NEK6: variants seen among roughly 807,000 people sequenced by gnomAD.
NEK6 encodes the protein serine/threonine-protein kinase Nek6.
In NEK6, 27 loss-of-function variants were observed where a neutral mutation model predicts 43.5. The ratio of observed to expected loss-of-function variants is 0.62; its 90% CI spans 0.46 to 0.86. The LOEUF (loss-of-function observed/expected upper bound fraction) is 0.86, where lower values mean the gene tolerates loss of function less well. NEK6 is among the 40% of genes least tolerant of loss of function. The pLI is 0.00. For missense variants in NEK6, 318 were observed against 414.4 expected (o/e 0.77, Z 2.02); for synonymous variants, 167 against 164.1 (o/e 1.02, Z -0.14).
chr9:124,285,812 C>G (rs1048413437), intron 1 of NEK6, among the ~76,000 whole-genome samples: 9 of 152,160 alleles, frequency 5.9e-5, no homozygotes, highest in African/African-American at 2.2e-4. Context: ...TTTCCCACCT[C>G]TATTGGGCAG....
intron 4 of NEK6, among the ~76,000 whole-genome samples, chr9:124,316,258 C>T (rs1171491394): frequency 5.3e-5 from 8 of 152,204 alleles, no homozygotes; most frequent in Admixed American, 1.3e-4. Flanking sequence ...AGCTGCCAAG[C>T]GTGGGACAAG....
chr9:124,276,561 G>A (rs2118954493), intron 1 of NEK6, among the ~76,000 whole-genome samples: 1 of 152,358 alleles, frequency 6.6e-6, no homozygotes, highest in East Asian at 1.9e-4. Context: ...GACAGTGGCT[G>A]GAACAGTGGT....
At chr9:124,335,938 T>G (rs565214554) in intron 7 of NEK6, among the ~76,000 whole-genome samples, 1 of 151,978 alleles carries the variant, frequency 6.6e-6, no homozygotes, top group African/African-American at 2.4e-5. Context: ...AGTGAGAACC[T>G]CTCTCTACAA....
At chr9:124,333,991 A>T (rs1829160954) in intron 7 of NEK6, among the ~76,000 whole-genome samples, 1 of 151,772 alleles carries the variant, frequency 6.6e-6, no homozygotes, top group Non-Finnish European at 1.5e-5. Flanking sequence ...GTTAGCCAGG[A>T]TGGTCTCGAT....
chr9:124,342,656 A>G (rs1199015275), intron 8 of NEK6, among the ~76,000 whole-genome samples: 2 of 152,240 alleles, frequency 1.3e-5, no homozygotes, highest in African/African-American at 4.8e-5. Flanking sequence ...GCCAGCGGGA[A>G]GCCAAAGTGC....
intron 1 of NEK6, among the ~76,000 whole-genome samples, chr9:124,271,094 G>A (rs1038259059): frequency 1.3e-5 from 2 of 152,234 alleles, no homozygotes; most frequent in Non-Finnish European, 2.9e-5. Context: ...CAGGTTAGTC[G>A]GCCAGCCAGG....
chr9:124,348,512 TCACA>T (rs1437121856), intron 9 of NEK6, among the ~76,000 whole-genome samples: 1 of 152,042 alleles, frequency 6.6e-6, no homozygotes, highest in African/African-American at 2.4e-5. Context: ...AGATACATGT[TCACA>T]CACTCTCTGC....
At chr9:124,333,719 G>A (rs935826570) in intron 7 of NEK6, among the ~76,000 whole-genome samples, 1 of 150,470 alleles carries the variant, frequency 6.6e-6, no homozygotes, top group Non-Finnish European at 1.5e-5. Flanking sequence ...TGGAGATCCA[G>A]ATTTCTAACC....
chr9:124,306,927 CT>C (rs1284455614), intron 2 of NEK6, among the ~76,000 whole-genome samples: 4 of 152,128 alleles, frequency 2.6e-5, no homozygotes, highest in Non-Finnish European at 4.4e-5. Context: ...ATGAAGTGTG[CT>C]TTTTAAAATC....
intron 4 of NEK6, among the ~76,000 whole-genome samples, chr9:124,319,318 T>A (rs1346742702): frequency 6.6e-6 from 1 of 152,152 alleles, no homozygotes; most frequent in Non-Finnish European, 1.5e-5. Flanking sequence ...TGTTTTTTTT[T>A]ATTGATTTAA....
chr9:124,315,660 C>G (rs973180228), intron 4 of NEK6, among the ~76,000 whole-genome samples: 3 of 152,238 alleles, frequency 2.0e-5, no homozygotes, highest in Non-Finnish European at 4.4e-5. Context: ...AAGGAACCCA[C>G]AGGTGAGCAT....
intron 7 of NEK6, among the ~76,000 whole-genome samples, chr9:124,334,574 C>T (rs1829193340): frequency 6.6e-6 from 1 of 152,148 alleles, no homozygotes; most frequent in African/African-American, 2.4e-5. Flanking sequence ...TGTCGGCCTG[C>T]CTTGGAGCTC....
Position 124,339,552 on chromosome 9 carries a change from GC to G in NEK6, c.623-15del. On this transcript the variant is annotated intron_variant, in intron 7 of 9. Transcript: ENST00000320246. Reference sequence around the variant, plus strand: ...CCCTACATGGAGCATAAGCAGCCCCGCCCCTTGCTGTGTTGCAGTGGGGACG... The same window carrying G: ...CCCTACATGGAGCATAAGCAGCCCCGCCCTTGCTGTGTTGCAGTGGGGACG... The G allele has an allele frequency of 6.3e-7, 1 of 1,590,912 alleles. No homozygotes were observed. Among genetic ancestry groups the G allele is most frequent in the Non-Finnish European group, 8.6e-7 (1 of 1,159,036 alleles).
At chr9:124,259,788 C>G (rs1830955889) in intron 1 of NEK6, among the ~76,000 whole-genome samples, 1 of 152,274 alleles carries the variant, frequency 6.6e-6, no homozygotes, top group South Asian at 2.1e-4. Flanking sequence ...TCTGCTGTCC[C>G]GTCTGCTTCG....
At chr9:124,305,974 T>G (rs1833236127) in intron 2 of NEK6, among the ~76,000 whole-genome samples, 1 of 152,230 alleles carries the variant, frequency 6.6e-6, no homozygotes, top group Non-Finnish European at 1.5e-5. Flanking sequence ...GAGCCCATTA[T>G]GGGTTTTCAG....
At chr9:124,321,421 C>T in intron 4 of NEK6, 38 bp from the exon 5 acceptor site, 1 of 1,409,508 alleles carries the variant, frequency 7.1e-7, no homozygotes. Context: ...GTCCCGTCTT[C>T]ACTTGGTGCC....
At chr9:124,320,678 T>TC (rs1476220420) in intron 4 of NEK6, among the ~76,000 whole-genome samples, 3 of 152,248 alleles carry the variant, frequency 2.0e-5, no homozygotes, top group Non-Finnish European at 4.4e-5. Context: ...GGGGCACCGT[T>TC]CTGTCCAGCT....
At chr9:124,348,024 G>A (rs1291108336) in intron 9 of NEK6, among the ~76,000 whole-genome samples, 1 of 152,226 alleles carries the variant, frequency 6.6e-6, no homozygotes, top group African/African-American at 2.4e-5. Context: ...CAGCTCCAGT[G>A]TGGGACCCCC....
chr9:124,321,600 G>A, intron 5 of NEK6, 31 bp downstream of exon 5: 1 of 1,371,262 alleles, frequency 7.3e-7, no homozygotes, highest in Admixed American at 1.7e-5. Flanking sequence ...GGGTGCTGGG[G>A]GCTGCGCAGA....
Sources: gnomAD v4.1 joint callset for allele counts (sites outside exome capture counted in the v4.1 genomes callset) on GRCh38, gnomAD v4.1.1 for gene constraint, MANE v1.5 for transcripts, NCBI Gene and HGNC (gene_info 2026-07-23, HGNC 2026-07-21) for gene names.